VWA3B: variants seen among roughly 807,000 people sequenced by gnomAD.
VWA3B encodes von Willebrand factor A domain containing 3B.
VWA3B carries 138 observed loss-of-function variants against 158.3 expected under a neutral mutation model. The ratio of observed to expected loss-of-function variants is 0.87; its 90% CI spans 0.76 to 1.00. The LOEUF is 1.00. VWA3B is among the 50% of genes least tolerant of loss of function. VWA3B has a pLI of 0.00. For missense variants in VWA3B, 1,555 were observed against 1,565.1 expected, an observed-to-expected ratio of 0.99 and a Z score of 0.11; for synonymous variants, 596 against 587.3, an observed-to-expected ratio of 1.01 and a Z score of -0.21.
At chr2:98,099,025 A>G (rs1269191976) in intron 2 of VWA3B, among the ~76,000 whole-genome samples, 1 of 152,228 alleles carries the variant, frequency 6.6e-6, no homozygotes, top group Non-Finnish European at 1.5e-5. Context: ...TATGATTTAT[A>G]TCTTTTTCCA....
intron 26 of VWA3B, among the ~76,000 whole-genome samples, chr2:98,309,876 A>G (rs550494385): frequency 2.3e-4 from 35 of 152,274 alleles, no homozygotes; most frequent in African/African-American, 8.2e-4. Context: ...TTATGCTGGA[A>G]CAAAGCCCTG....
At position 98,128,394 on chromosome 2, in the gene VWA3B, C is replaced by G. The variant is rs375501300; in HGVS notation, c.858C>G (p.Ala286=). 2 of 1,613,296 alleles carry G rather than the reference C, an allele frequency of 1.2e-6. No homozygotes were observed. Among genetic ancestry groups the G allele is most frequent in the African/African-American group, 1.3e-5 (1 of 74,878 alleles). Residue 286 remains alanine, a synonymous_variant, in exon 6 of 28, where the codon GCC becomes GCG. Transcript: ENST00000477737. ...GTIAFLKDLS[A]KTHSRFHAFA... Reference sequence around the variant, plus strand: ...TAGCTTTTCTAAAGGATCTGAGTGCCAAGACCCACAGCAGGTAGGCAGAAA... The same window carrying G: ...TAGCTTTTCTAAAGGATCTGAGTGCGAAGACCCACAGCAGGTAGGCAGAAA...
At chr2:98,154,928 C>T (rs1043547038) in intron 7 of VWA3B, among the ~76,000 whole-genome samples, 9 of 152,196 alleles carry the variant, frequency 5.9e-5, no homozygotes, top group Non-Finnish European at 1.5e-5. Context: ...GGAGGTCCCT[C>T]TCTTCAAGGG....
At chr2:98,310,245 C>G (rs924259242) in intron 26 of VWA3B, among the ~76,000 whole-genome samples, 1 of 152,142 alleles carries the variant, frequency 6.6e-6, no homozygotes, top group African/African-American at 2.4e-5. Flanking sequence ...CAAACGAGAC[C>G]TCAGGAATCC....
At chr2:98,225,996 C>T (rs775254257) in intron 14 of VWA3B, among the ~76,000 whole-genome samples, 4 of 152,156 alleles carry the variant, frequency 2.6e-5, no homozygotes, top group Admixed American at 6.5e-5. Context: ...ATATTAGAGA[C>T]GTCAGTTCTC....
intron 26 of VWA3B, among the ~76,000 whole-genome samples, chr2:98,311,074 A>T (rs1234477393): frequency 6.6e-6 from 1 of 152,252 alleles, no homozygotes; most frequent in Non-Finnish European, 1.5e-5. Context: ...GATTGAAGGC[A>T]GGTTGATCAA....
chr2:98,323,039 A>C, the VWA3B span, among the ~76,000 whole-genome samples: 1 of 152,244 alleles, frequency 6.6e-6, no homozygotes, highest in Admixed American at 6.5e-5. Flanking sequence ...AATCACTAGA[A>C]TATATTGCCT....
chr2:98,129,282 GAGAGA>G (rs1559556771), intron 6 of VWA3B, among the ~76,000 whole-genome samples: 2 of 148,908 alleles, frequency 1.3e-5, no homozygotes, highest in African/African-American at 4.9e-5. Flanking sequence ...GGAGAGAGAG[GAGAGA>G]GAGGAGAGAG....
chr2:98,295,585 G>A (rs1286367655), intron 23 of VWA3B, among the ~76,000 whole-genome samples: 1 of 152,176 alleles, frequency 6.6e-6, no homozygotes, highest in Non-Finnish European at 1.5e-5. Flanking sequence ...GGGAGGCAGT[G>A]GAAGCTCTGG....
intron 19 of VWA3B, among the ~76,000 whole-genome samples, chr2:98,243,637 T>TG (rs200783756): frequency 0.039 from 5,929 of 152,272 alleles, 174 homozygotes; most frequent in Middle Eastern, 0.075. Context: ...TAATTTACAC[T>TG]TAGTAACATA....
chr2:98,155,133 G>A (rs1171962085), intron 7 of VWA3B, among the ~76,000 whole-genome samples: 1 of 152,196 alleles, frequency 6.6e-6, no homozygotes, highest in African/African-American at 2.4e-5. Context: ...CATCCCCGTG[G>A]GTGACAGCCG....
rs1380850835 is a variant in VWA3B at position 98,119,528 on chromosome 2, GAACTGA to G, written c.308_313del (p.Glu103_Ile105delinsVal). ...TTTCATTAAGCTGACAGCTAAATCA[GAACTGA>G]TTTATCAGTTTGTGGAACATTTAAC... On this transcript the variant is annotated inframe_deletion, in exon 4 of 28. Coordinates refer to ENST00000477737, the MANE Select transcript of VWA3B (RefSeq NM_144992.5). The G allele has an allele frequency of 2.5e-6, 4 of 1,613,682 alleles. No homozygotes were observed. The African/African-American group carries it at 5.3e-5, about 22-fold the overall frequency.
intron 22 of VWA3B, among the ~76,000 whole-genome samples, chr2:98,289,553 T>A (rs1431616033): frequency 6.6e-6 from 1 of 152,228 alleles, no homozygotes; most frequent in East Asian, 1.9e-4. Context: ...TGAGGATAAT[T>A]AATTTATTAG....
intron 2 of VWA3B, among the ~76,000 whole-genome samples, chr2:98,113,735 G>A (rs1674319840): frequency 1.3e-5 from 2 of 152,152 alleles, no homozygotes; most frequent in South Asian, 4.1e-4. Context: ...CTTGTTTTGA[G>A]CATTTCATTG....
rs781288796 is a variant in VWA3B, at chr2:98,216,987, C to CCCCA, written c.1837-856_1837-855insACCC. On this transcript the variant is annotated intron_variant, in intron 13 of 27. Coordinates refer to ENST00000477737, the MANE Select transcript of VWA3B (RefSeq NM_144992.5). ...TCATGTGTATCATTGTAAGCACCCGCCCCGCACCCAGTCTCAGGTGGTCCC... is the reference window on the plus strand; with the variant it reads ...TCATGTGTATCATTGTAAGCACCCGCCCCACCCGCACCCAGTCTCAGGTGGTCCC... 3.4e-5 allele frequency: 43 copies of CCCCA among 1,275,464 alleles called. 2 individuals carry two copies. Among genetic ancestry groups the CCCCA allele is most frequent in the East Asian group, 5.6e-5 (1 of 17,870 alleles). The allele number at this position is 1,275,464 out of a possible 1,614,324, so 79.0% of individuals were successfully genotyped here.
intron 25 of VWA3B, 83 bp from the exon 26 acceptor site, chr2:98,303,619 A>G: frequency 4.6e-6 from 6 of 1,300,562 alleles, no homozygotes; most frequent in Non-Finnish European, 6.6e-6. Context: ...AGCTATTATA[A>G]TGGGTTGAGC....
chr2:98,270,850 CAAG>C lies in VWA3B; in HGVS notation c.3018_3020del (p.Lys1006del). 1 of 1,613,976 alleles carries C rather than the reference CAAG, an allele frequency of 6.2e-7. No homozygotes were observed. The highest frequency in any genetic ancestry group is 8.5e-7 in the Non-Finnish European group (1 of 1,179,918). On this transcript the variant is annotated inframe_deletion, in exon 22 of 28. Transcript: ENST00000477737. The stretch of plus-strand genomic sequence containing the variant: ...AGGCCATGGAACTCCAGGAGGCTGC[CAAG>C]AAGAATTATGCAAACAAGGCCCCGG...
chr2:98,184,150 G>A (rs762957079), intron 9 of VWA3B, among the ~76,000 whole-genome samples: 7 of 152,172 alleles, frequency 4.6e-5, no homozygotes, highest in Non-Finnish European at 8.8e-5. Flanking sequence ...ATTCTGACAC[G>A]CTGCTGCCTG....
intron 20 of VWA3B, among the ~76,000 whole-genome samples, chr2:98,252,116 C>G (rs907739568): frequency 1.3e-5 from 2 of 152,070 alleles, no homozygotes; most frequent in South Asian, 2.1e-4. Context: ...TCAGAGAGAC[C>G]TCTCGGGAGC....
Sources: allele counts gnomAD v4.1 joint callset (sites outside exome capture counted in the v4.1 genomes callset), GRCh38; gene constraint gnomAD v4.1.1; transcripts MANE v1.5; gene names NCBI Gene and HGNC (gene_info 2026-07-23, HGNC 2026-07-21).